The following HS6ST2 variants were observed in gnomAD, a reference collection of about 807,000 sequenced individuals.
The protein encoded by HS6ST2 is heparan sulfate 6-O-sulfotransferase 2, also known as heparan-sulfate 6-O-sulfotransferase 2.
Under a neutral mutation model 33.0 loss-of-function variants are expected in HS6ST2, and 17 were observed. That is an observed-to-expected ratio of 0.52 (90% CI 0.35 to 0.77). HS6ST2 has a LOEUF of 0.77. HS6ST2 is among the 30% of genes least tolerant of loss of function. HS6ST2 has a pLI of 0.01. For missense variants in HS6ST2, 519 were observed against 551.7 expected, an observed-to-expected ratio of 0.94 and a Z score of 0.59; for synonymous variants, 248 against 237.1, an observed-to-expected ratio of 1.05 and a Z score of -0.42.
chrX:132,769,933 T>C (rs2064881565), intron 2 of HS6ST2, among the ~76,000 whole-genome samples: 1 of 112,208 alleles, frequency 8.9e-6, no homozygotes, highest in Non-Finnish European at 1.9e-5. Flanking sequence ...TTATGTTTGG[T>C]ACAACTCGCT....
chrX:132,793,105 G>A, intron 2 of HS6ST2, among the ~76,000 whole-genome samples: 1 of 81,418 alleles, frequency 1.2e-5, no homozygotes, highest in Middle Eastern at 0.012. Context: ...CTGTCACTCA[G>A]GCTGGAGTGC....
chrX:132,878,432 C>A (rs754307184), intron 2 of HS6ST2, among the ~76,000 whole-genome samples: 2 of 112,189 alleles, frequency 1.8e-5, no homozygotes, highest in African/African-American at 6.5e-5. Flanking sequence ...TGGGGCAGGT[C>A]GGAGATTCTC....
intron 2 of HS6ST2, among the ~76,000 whole-genome samples, chrX:132,797,967 C>T (rs766215799): frequency 2.7e-4 from 27 of 100,578 alleles, no homozygotes; most frequent in Admixed American, 5.6e-4. Flanking sequence ...GAGCCCAGAT[C>T]GCGCCTCTGC....
chrX:132,745,376 C>T (rs1000406100), intron 2 of HS6ST2, among the ~76,000 whole-genome samples: 11 of 112,083 alleles, frequency 9.8e-5, no homozygotes, highest in African/African-American at 1.6e-4. Flanking sequence ...TGAGCCACCG[C>T]GCCCAGCCCC....
chrX:132,856,348 A>G (rs1185981784), intron 2 of HS6ST2, among the ~76,000 whole-genome samples: 1 of 112,271 alleles, frequency 8.9e-6, no homozygotes, highest in African/African-American at 3.2e-5. Flanking sequence ...GTTAAACTTT[A>G]TCATAGGTAA....
At chrX:132,729,715 C>A (rs2064437098) in intron 2 of HS6ST2, among the ~76,000 whole-genome samples, 1 of 111,423 alleles carries the variant, frequency 9.0e-6, no homozygotes, top group Non-Finnish European at 1.9e-5. Context: ...TGTTAATATG[C>A]AATAGGTACT....
At chrX:132,637,773 T>A (rs1220141817) in intron 4 of HS6ST2, among the ~76,000 whole-genome samples, 1 of 72,266 alleles carries the variant, frequency 1.4e-5, no homozygotes, top group African/African-American at 5.5e-5. Context: ...ATTATATATT[T>A]ATATATATAA....
intron 2 of HS6ST2, among the ~76,000 whole-genome samples, chrX:132,843,022 C>T (rs945178255): frequency 1.4e-4 from 16 of 111,743 alleles, no homozygotes; most frequent in African/African-American, 5.2e-4. Flanking sequence ...CAGGCAGCCC[C>T]GAGTGGCAGT....
intron 3 of HS6ST2, among the ~76,000 whole-genome samples, chrX:132,704,539 A>G (rs2064172661): frequency 9.0e-6 from 1 of 111,148 alleles, no homozygotes; most frequent in Admixed American, 9.6e-5. Context: ...GGGTAACAAG[A>G]GCGAAAAAAA....
intron 2 of HS6ST2, among the ~76,000 whole-genome samples, chrX:132,792,490 A>T (rs12851004): frequency 8.9e-6 from 1 of 112,261 alleles, no homozygotes; most frequent in South Asian, 3.7e-4. Flanking sequence ...TATTTATATA[A>T]CAGCTTTATT....
chrX:132,809,561 G>C (rs2065319964), intron 2 of HS6ST2, among the ~76,000 whole-genome samples: 1 of 111,618 alleles, frequency 9.0e-6, no homozygotes, highest in Non-Finnish European at 1.9e-5. Context: ...TTTTAACTAA[G>C]GATCTGAGCA....
At chrX:132,654,449 C>G (rs922131865) in intron 4 of HS6ST2, among the ~76,000 whole-genome samples, 1 of 111,147 alleles carries the variant, frequency 9.0e-6, no homozygotes, top group Non-Finnish European at 1.9e-5. Context: ...CTCCTAGCCC[C>G]TCTCTGTAAC....
chrX:132,871,529 C>A (rs2066056956), intron 2 of HS6ST2, among the ~76,000 whole-genome samples: 1 of 111,781 alleles, frequency 8.9e-6, no homozygotes, highest in Admixed American at 9.5e-5. Context: ...TGGAACCAAC[C>A]CAAATGCCCA....
chrX:132,870,097 A>C (rs186256713), intron 2 of HS6ST2, among the ~76,000 whole-genome samples: 1 of 110,800 alleles, frequency 9.0e-6, no homozygotes, highest in Non-Finnish European at 1.9e-5. Flanking sequence ...ATGTGTAAAA[A>C]TCACAAGCAT....
chrX:132,632,012 A>G (rs1308353120), intron 4 of HS6ST2, among the ~76,000 whole-genome samples: 1 of 110,661 alleles, frequency 9.0e-6, no homozygotes, highest in South Asian at 4.0e-4. Context: ...GTGTGGATCC[A>G]GTATGCATTC....
intron 2 of HS6ST2, among the ~76,000 whole-genome samples, chrX:132,737,141 A>G (rs1161441481): frequency 9.0e-6 from 1 of 111,245 alleles, no homozygotes; most frequent in Non-Finnish European, 1.9e-5. Flanking sequence ...CTTGACATAG[A>G]TCACATAGCT....
At position 132,628,256 on chromosome X, in the gene HS6ST2, G is replaced by T; in HGVS notation, c.1905C>A (p.Asn635Lys). Residue 635 changes from asparagine to lysine, a missense_variant, in exon 5 of 5, where the codon AAC becomes AAA. Coordinates refer to ENST00000370833, the MANE Select transcript of HS6ST2 (RefSeq NM_001394073.1). Reference sequence around the variant, plus strand: ...ATTTCTCTACACTGCCTATGTAGTCGTTGGTGCCATTGCTGGTGTTATCAT... The same window carrying T: ...ATTTCTCTACACTGCCTATGTAGTCTTTGGTGCCATTGCTGGTGTTATCAT... Reference protein sequence around the residue: ...EQNDNTSNGTNDYIGSVEKWR With the variant: ...EQNDNTSNGTKDYIGSVEKWR 8.6e-7 allele frequency: 1 copy of T among 1,166,572 alleles called. No individual in the cohort carries two copies. Among genetic ancestry groups the T allele is most frequent in the Non-Finnish European group, 1.1e-6 (1 of 872,100 alleles).
intron 4 of HS6ST2, chrX:132,668,162 T>C (rs906579507): frequency 8.9e-6 from 1 of 112,063 alleles, no homozygotes; most frequent in African/African-American, 3.2e-5. Flanking sequence ...ACATAAAATA[T>C]ATGACCATTA....
chrX:132,637,058 T>A (rs904831322), intron 4 of HS6ST2, among the ~76,000 whole-genome samples: 1 of 112,452 alleles, frequency 8.9e-6, no homozygotes, highest in Non-Finnish European at 1.9e-5. Context: ...ATTCTTTCCA[T>A]CCTGGTGCTA....
Sources: gnomAD v4.1 joint callset for allele counts (sites outside exome capture counted in the v4.1 genomes callset) on GRCh38, gnomAD v4.1.1 for gene constraint, MANE v1.5 for transcripts, NCBI Gene and HGNC (gene_info 2026-07-23, HGNC 2026-07-21) for gene names.